CADPS2: variants seen among roughly 807,000 people sequenced by gnomAD.
CADPS2 encodes calcium-dependent secretion activator 2.
In CADPS2, 93 loss-of-function variants were observed where a neutral mutation model predicts 172.5. The observed-to-expected ratio is 0.54, with a 90% CI of 0.46 to 0.64. The LOEUF is 0.64. Among genes scored for constraint, CADPS2 ranks in the 30% least tolerant of loss-of-function variants. CADPS2 has a pLI of 0.00. For missense variants in CADPS2, 1,420 were observed against 1,565.9 expected (o/e 0.91, Z 1.57); for synonymous variants, 546 against 555.2 (o/e 0.98, Z 0.23).
At chr7:122,552,802 G>A (rs954979342) in intron 8 of CADPS2, among the ~76,000 whole-genome samples, 4 of 140,908 alleles carry the variant, frequency 2.8e-5, no homozygotes, top group Non-Finnish European at 6.1e-5. Context: ...TTATTATTGT[G>A]CCATTCATCA....
intron 2 of CADPS2, among the ~76,000 whole-genome samples, chr7:122,664,176 G>A (rs1218685021): frequency 6.6e-6 from 1 of 151,470 alleles, no homozygotes; most frequent in Non-Finnish European, 1.5e-5. Flanking sequence ...AAAGAATCAT[G>A]TATTATTTGA....
At chr7:122,782,672 T>C (rs979977000) in intron 1 of CADPS2, among the ~76,000 whole-genome samples, 1 of 152,194 alleles carries the variant, frequency 6.6e-6, no homozygotes, top group African/African-American at 2.4e-5. Context: ...TTAGTCTTCA[T>C]TGGAAATGAT....
At chr7:122,508,438 TATTC>T (rs1329230724) in intron 9 of CADPS2, among the ~76,000 whole-genome samples, 4 of 150,312 alleles carry the variant, frequency 2.7e-5, no homozygotes, top group African/African-American at 7.3e-5. Flanking sequence ...GTTATTTATT[TATTC>T]ATTTAAGTTT....
chr7:122,540,973 AATAC>A (rs142098920), intron 8 of CADPS2, among the ~76,000 whole-genome samples: 2,304 of 152,208 alleles, frequency 0.015, 57 homozygotes, highest in African/African-American at 0.052. Context: ...GAACACTATA[AATAC>A]ATAGAGAGTA....
At position 122,792,824 on chromosome 7, in the gene CADPS2, T is replaced by C. The variant is rs1031013265; in HGVS notation, c.340-55756A>G. Among the ~76,000 whole-genome samples the C allele has an allele frequency of 1.2e-4, 18 of 152,210 alleles. 1 individual carries two copies. Among genetic ancestry groups the C allele is most frequent in the Non-Finnish European group, 2.2e-4 (15 of 68,032 alleles). On this transcript the variant is annotated intron_variant, in intron 1 of 29. Coordinates refer to ENST00000449022, the MANE Select transcript of CADPS2 (RefSeq NM_017954.11). ...ACAGCTAACAGCAAAGCATCTGGTC[T>C]CTCCAGACTAACTGCTCACCTAATA...
At chr7:122,577,173 C>T (rs1363256828) in intron 7 of CADPS2, among the ~76,000 whole-genome samples, 1 of 152,062 alleles carries the variant, frequency 6.6e-6, no homozygotes, top group Non-Finnish European at 1.5e-5. Flanking sequence ...CTGAGGCTTC[C>T]CTAGCCATGC....
chr7:122,640,133 T>C (rs2077456953), intron 3 of CADPS2, among the ~76,000 whole-genome samples: 1 of 152,152 alleles, frequency 6.6e-6, no homozygotes, highest in South Asian at 2.1e-4. Context: ...AAAACCTACA[T>C]GTCATCTTCG....
chr7:122,588,279 C>A (rs1219079482), intron 6 of CADPS2, among the ~76,000 whole-genome samples: 1 of 151,382 alleles, frequency 6.6e-6, no homozygotes, highest in Non-Finnish European at 1.5e-5. Context: ...ATCATGAAAT[C>A]TTTGCCTAAA....
At chr7:122,775,235 C>G (rs1210774414) in intron 1 of CADPS2, among the ~76,000 whole-genome samples, 1 of 152,196 alleles carries the variant, frequency 6.6e-6, no homozygotes, top group Non-Finnish European at 1.5e-5. Flanking sequence ...AGACTAAAGT[C>G]TTAGACTATT....
intron 8 of CADPS2, among the ~76,000 whole-genome samples, chr7:122,525,857 G>A (rs2061187655): frequency 6.6e-6 from 1 of 152,176 alleles, no homozygotes; most frequent in African/African-American, 2.4e-5. Flanking sequence ...TGTACAGCTT[G>A]TGACTGTAGG....
At chr7:122,368,517 T>C (rs2041284241) in intron 25 of CADPS2, among the ~76,000 whole-genome samples, 1 of 152,192 alleles carries the variant, frequency 6.6e-6, no homozygotes, top group Non-Finnish European at 1.5e-5. Flanking sequence ...GAGACTGGAC[T>C]GGTGACTAGT....
chr7:122,424,541 T>C (rs530525515), intron 17 of CADPS2: 1 of 152,544 alleles, frequency 6.6e-6, no homozygotes, highest in South Asian at 2.1e-4. Context: ...TAAGACTATC[T>C]TGGGGTGGAA....
chr7:122,345,753 C>A, intron 27 of CADPS2, 72 bp from the exon 28 acceptor site: 1 of 984,260 alleles, frequency 1.0e-6, no homozygotes. Context: ...TTTAATCATA[C>A]CCTGAAAAAT....
chr7:122,705,986 T>TATATA (rs2087325394), intron 2 of CADPS2, among the ~76,000 whole-genome samples: 1 of 68,764 alleles, frequency 1.5e-5, no homozygotes, highest in African/African-American at 6.8e-5. Flanking sequence ...TATATAATAT[T>TATATA]ATATATTATA....
In CADPS2 at chr7:122,450,564, C is replaced by G. The variant is rs1440469627; in HGVS notation, c.2288+810G>C. On this transcript the variant is annotated intron_variant, in intron 15 of 29. Transcript: ENST00000449022. ...TTTTTTTTTGAGACAAGGTCTCATG[C>G]TGTCGTCCAGGCTGGAGTGCAGTGG... Among the ~76,000 whole-genome samples, 6 of 115,270 alleles carry G rather than the reference C, an allele frequency of 5.2e-5. No individual in the cohort carries two copies. The Admixed American group carries it at 7.6e-4, about 15-fold the overall frequency. The allele number at this position is 115,270 out of a possible 152,430, so 75.6% of individuals were successfully genotyped here. A position where few individuals can be genotyped will look rare whatever the true frequency, so the allele number is the denominator to read the frequency against.
rs891694708 is a variant in CADPS2, at chr7:122,520,707, G to C, written c.1476-7392C>G. Among the ~76,000 whole-genome samples the C allele has an allele frequency of 2.6e-5, 4 of 152,194 alleles. No individual in the cohort carries two copies. In the South Asian group the frequency reaches 8.3e-4, roughly 32 times the overall value. On this transcript the variant is annotated intron_variant, in intron 8 of 29. Transcript: ENST00000449022. The stretch of plus-strand genomic sequence containing the variant: ...ATCAAACCTTTCTAACTTGAAGATT[G>C]TTCAAAGAATACTTCAACACACACA...
chr7:122,508,651 G>C (rs978716531), intron 9 of CADPS2, among the ~76,000 whole-genome samples: 1 of 151,110 alleles, frequency 6.6e-6, no homozygotes, highest in African/African-American at 2.4e-5. Context: ...CTTATATGTT[G>C]ATATGGCAAC....
intron 1 of CADPS2, among the ~76,000 whole-genome samples, chr7:122,747,760 T>G (rs1323194925): frequency 6.6e-6 from 1 of 152,146 alleles, no homozygotes; most frequent in Non-Finnish European, 1.5e-5. Flanking sequence ...TTAATCAGCT[T>G]GAAGAGGTAA....
chr7:122,775,049 A>T (rs193256174), intron 1 of CADPS2, among the ~76,000 whole-genome samples: 60 of 151,942 alleles, frequency 3.9e-4, no homozygotes, highest in Admixed American at 2.1e-3. Context: ...AAATTAACCT[A>T]CTTCTAGAAG....
Sources: allele counts gnomAD v4.1 joint callset (sites outside exome capture counted in the v4.1 genomes callset), GRCh38; gene constraint gnomAD v4.1.1; transcripts MANE v1.5; gene names NCBI Gene and HGNC (gene_info 2026-07-23, HGNC 2026-07-21).